ADARB2: variants seen among roughly 807,000 people sequenced by gnomAD.
The protein encoded by ADARB2 is adenosine deaminase RNA specific B2 (inactive), also known as inactive double-stranded RNA-specific editase B2.
A neutral mutation model predicts 62.2 loss-of-function variants in ADARB2; 25 were observed. The observed-to-expected ratio is 0.40, with a 90% CI of 0.29 to 0.56. The LOEUF (loss-of-function observed/expected upper bound fraction) is 0.56, where lower values mean the gene tolerates loss of function less well. ADARB2 is among the 20% of genes least tolerant of loss of function. The pLI, the probability that ADARB2 is intolerant of heterozygous loss-of-function variation, is 0.43. For missense variants in ADARB2, 1,071 were observed against 1,077.4 expected (o/e 0.99, Z 0.08); for synonymous variants, 572 against 500.8 (o/e 1.14, Z -1.90).
rs185576318 is a variant in ADARB2, at chr10:1,284,859, G to A, written c.1078-13790C>T. Reference sequence around the variant, plus strand: ...CTCCAGTCCTTGAGTGGGAGAGGAAGGTGGGCCTTAGAGACCCTCATGGTC... The same window carrying A: ...CTCCAGTCCTTGAGTGGGAGAGGAAAGTGGGCCTTAGAGACCCTCATGGTC... On this transcript the variant is annotated intron_variant, in intron 3 of 9. Transcript: ENST00000381312. Among the ~76,000 whole-genome samples, 33 of 152,252 alleles carry A rather than the reference G, an allele frequency of 2.2e-4. No homozygotes were observed. The East Asian group carries it at 4.3e-3, about 20-fold the overall frequency.
At chr10:1,310,629 A>C (rs1038450903) in intron 3 of ADARB2, among the ~76,000 whole-genome samples, 12 of 152,160 alleles carry the variant, frequency 7.9e-5, no homozygotes, top group African/African-American at 2.9e-4. Flanking sequence ...TGATGGGGTG[A>C]CAGTGGAGGC....
In ADARB2 at chr10:1,258,500, C is replaced by T. The variant is rs1443882725; in HGVS notation, c.1192+12455G>A. Among the ~76,000 whole-genome samples the T allele has an allele frequency of 3.9e-5, 6 of 152,228 alleles. No individual in the cohort carries two copies. The East Asian group carries it at 5.8e-4, about 15-fold the overall frequency. ...GCAAACAAAGGCAGGGGTTGCAATC[C>T]TAGTCTCTAATAAAACAGTCTTTAA... On this transcript the variant is annotated intron_variant, in intron 4 of 9. Coordinates refer to ENST00000381312, the MANE Select transcript of ADARB2 (RefSeq NM_018702.4).
intron 1 of ADARB2, among the ~76,000 whole-genome samples, chr10:1,395,615 G>T (rs1182544129): frequency 6.6e-6 from 1 of 152,210 alleles, no homozygotes; most frequent in Non-Finnish European, 1.5e-5. Flanking sequence ...CCAGTGCAGG[G>T]GCTGTGAGAC....
intron 1 of ADARB2, among the ~76,000 whole-genome samples, chr10:1,662,228 G>A (rs1588343202): frequency 6.6e-6 from 1 of 152,184 alleles, no homozygotes; most frequent in Admixed American, 6.5e-5. Flanking sequence ...AATCAGAGAG[G>A]TTTGGAGGTG....
At chr10:1,452,619 G>A (rs539604123) in intron 1 of ADARB2, among the ~76,000 whole-genome samples, 67 of 148,484 alleles carry the variant, frequency 4.5e-4, no homozygotes, top group African/African-American at 1.4e-3. Context: ...ACGGGGGTTG[G>A]GGGGGGGAAT....
At chr10:1,533,824 C>T (rs914647542) in intron 1 of ADARB2, among the ~76,000 whole-genome samples, 2 of 152,168 alleles carry the variant, frequency 1.3e-5, no homozygotes, top group Non-Finnish European at 2.9e-5. Context: ...CCACCCTCCC[C>T]CTCTGTCAGC....
At chr10:1,186,606 T>C (rs2131734530) in intron 8 of ADARB2, 1 of 516,920 alleles carries the variant, frequency 1.9e-6, no homozygotes, top group South Asian at 1.4e-5. Flanking sequence ...CCTGGCCTGC[T>C]GTCCTGTGGT....
At chr10:1,567,883 C>T (rs765884218) in intron 1 of ADARB2, among the ~76,000 whole-genome samples, 7 of 152,162 alleles carry the variant, frequency 4.6e-5, no homozygotes, top group Admixed American at 6.5e-5. Context: ...CAGACAGGCC[C>T]GGGATCTGAT....
chr10:1,380,682 A>T (rs1383286935), intron 1 of ADARB2, among the ~76,000 whole-genome samples: 1 of 152,216 alleles, frequency 6.6e-6, no homozygotes, highest in East Asian at 1.9e-4. Flanking sequence ...GGCAACAGAG[A>T]GAACAATAAA....
intron 1 of ADARB2, among the ~76,000 whole-genome samples, chr10:1,665,175 C>T (rs1039024457): frequency 6.6e-6 from 1 of 152,200 alleles, no homozygotes; most frequent in Non-Finnish European, 1.5e-5. Flanking sequence ...TGCTAACTTC[C>T]AACTTCAACA....
At chr10:1,324,889 G>A (rs545734004) in intron 3 of ADARB2, among the ~76,000 whole-genome samples, 1 of 152,308 alleles carries the variant, frequency 6.6e-6, no homozygotes, top group East Asian at 1.9e-4. Flanking sequence ...GGAAACGTGA[G>A]CGAGCCAGGG....
At chr10:1,391,468 A>T (rs1832570247) in intron 1 of ADARB2, among the ~76,000 whole-genome samples, 1 of 152,144 alleles carries the variant, frequency 6.6e-6, no homozygotes, top group African/African-American at 2.4e-5. Context: ...TTTGTTTCTC[A>T]CAGGCCCAAC....
intron 3 of ADARB2, among the ~76,000 whole-genome samples, chr10:1,358,771 CTT>C (rs1832220892): frequency 1.3e-5 from 2 of 152,042 alleles, no homozygotes; most frequent in African/African-American, 4.8e-5. Flanking sequence ...AACAGGGTGT[CTT>C]TGCCTGACAT....
chr10:1,378,954 G>C, intron 2 of ADARB2, 120 bp downstream of exon 2: 1 of 805,498 alleles, frequency 1.2e-6, no homozygotes, highest in Admixed American at 2.2e-5. Flanking sequence ...GTCTCTCCAG[G>C]TAAGACCAAA....
At chr10:1,412,507 TTA>T (rs1378467723) in intron 1 of ADARB2, among the ~76,000 whole-genome samples, 1 of 152,200 alleles carries the variant, frequency 6.6e-6, no homozygotes, top group Non-Finnish European at 1.5e-5. Context: ...TTTAAAGCAA[TTA>T]TATCCATACA....
intron 1 of ADARB2, among the ~76,000 whole-genome samples, chr10:1,723,604 C>A (rs144273132): frequency 3.3e-5 from 5 of 152,110 alleles, no homozygotes; most frequent in African/African-American, 1.2e-4. Context: ...GAACTGTCAG[C>A]GAGAAGTGAG....
chr10:1,694,442 A>C (rs1281305824), intron 1 of ADARB2, among the ~76,000 whole-genome samples: 1 of 152,066 alleles, frequency 6.6e-6, no homozygotes, highest in African/African-American at 2.4e-5. Context: ...CTGATTTTTC[A>C]CTCTTACTTA....
At chr10:1,307,985 A>G (rs1407708885) in intron 3 of ADARB2, among the ~76,000 whole-genome samples, 1 of 147,646 alleles carries the variant, frequency 6.8e-6, no homozygotes, top group Non-Finnish European at 1.5e-5. Context: ...ATGCTAGATG[A>G]CAAGTTAGTG....
intron 4 of ADARB2, among the ~76,000 whole-genome samples, chr10:1,264,639 C>CA (rs1405651437): frequency 1.3e-5 from 2 of 152,176 alleles, no homozygotes; most frequent in African/African-American, 4.8e-5. Context: ...GCATATGCAG[C>CA]AAAACATAGT....
Sources: gnomAD v4.1 joint callset for allele counts (sites outside exome capture counted in the v4.1 genomes callset) on GRCh38, gnomAD v4.1.1 for gene constraint, MANE v1.5 for transcripts, NCBI Gene and HGNC (gene_info 2026-07-23, HGNC 2026-07-21) for gene names.